ADAMTSL1: variants seen among roughly 807,000 people sequenced by gnomAD.
The protein encoded by ADAMTSL1 is ADAMTS-like protein 1.
ADAMTSL1 carries 126 observed loss-of-function variants against 201.8 expected under a neutral mutation model. The ratio of observed to expected loss-of-function variants is 0.62; its 90% CI spans 0.54 to 0.72. ADAMTSL1 has a LOEUF of 0.72. Among genes scored for constraint, ADAMTSL1 ranks in the 30% least tolerant of loss-of-function variants. The pLI is 0.00. For synonymous variants in ADAMTSL1, 1,121 were observed against 903.4 expected (o/e 1.24, Z -4.32); for missense variants, 2,679 against 2,277.8 (o/e 1.18, Z -3.59).
chr9:17,917,311 G>C (rs910356675), intron 1 of ADAMTSL1, among the ~76,000 whole-genome samples: 1 of 152,100 alleles, frequency 6.6e-6, no homozygotes, highest in African/African-American at 2.4e-5. Context: ...GGTATGAACA[G>C]ATATCCTTGT....
chr9:18,070,457 A>G (rs1376727080), intron 1 of ADAMTSL1, among the ~76,000 whole-genome samples: 1 of 152,232 alleles, frequency 6.6e-6, no homozygotes, highest in Non-Finnish European at 1.5e-5. Flanking sequence ...GGAATGTGAA[A>G]TTGAAGAAAT....
chr9:18,052,011 T>C (rs2131669598), intron 1 of ADAMTSL1, among the ~76,000 whole-genome samples: 1 of 152,358 alleles, frequency 6.6e-6, no homozygotes, highest in Admixed American at 6.5e-5. Flanking sequence ...TGACACTTTG[T>C]TACAAACATC....
intron 1 of ADAMTSL1, among the ~76,000 whole-genome samples, chr9:18,021,653 G>C (rs972334922): frequency 1.3e-5 from 2 of 152,104 alleles, no homozygotes; most frequent in Non-Finnish European, 2.9e-5. Flanking sequence ...AAGTTACTTA[G>C]TTATATAACT....
In ADAMTSL1 at chr9:18,314,782, CTTT is replaced by C. The variant is rs776046209; in HGVS notation, c.207+150831_207+150833del. ...TGCCACTGCTGCCTTCGGCAGCGTG[CTTT>C]TTTTTTTTTTTTTTTTTTTTTTTTT... On this transcript the variant is annotated intron_variant, in intron 2 of 29. Coordinates refer to the ADAMTSL1 transcript ENST00000680146. 2.8e-3 allele frequency among the ~76,000 whole-genome samples: 140 copies of C among 49,800 alleles called. 3 individuals carry two copies. Among genetic ancestry groups the C allele is most frequent in the African/African-American group, 9.1e-3 (110 of 12,054 alleles). 32.7% of individuals were successfully genotyped at this position (49,800 alleles called of 152,430 possible).
intron 3 of ADAMTSL1, among the ~76,000 whole-genome samples, chr9:18,566,739 A>G (rs572345830): frequency 1.7e-4 from 26 of 152,246 alleles, no homozygotes; most frequent in African/African-American, 5.8e-4. Flanking sequence ...AGCAAGGACA[A>G]TAGGATGTGA....
At chr9:17,947,860 C>T (rs1827572549) in intron 1 of ADAMTSL1, among the ~76,000 whole-genome samples, 1 of 152,162 alleles carries the variant, frequency 6.6e-6, no homozygotes, top group Non-Finnish European at 1.5e-5. Context: ...AACGAAAAGT[C>T]ATGCGTCAAA....
At chr9:18,495,087 G>A (rs991240686) in intron 1 of ADAMTSL1, among the ~76,000 whole-genome samples, 2 of 151,990 alleles carry the variant, frequency 1.3e-5, no homozygotes, top group South Asian at 2.1e-4. Context: ...GAAGAGAGAG[G>A]GATTTCAGAA....
intron 2 of ADAMTSL1, among the ~76,000 whole-genome samples, chr9:18,254,349 T>TTTG (rs1831587364): frequency 8.7e-5 from 3 of 34,672 alleles, no homozygotes; most frequent in Non-Finnish European, 1.6e-4. Flanking sequence ...TTTTTGGTTT[T>TTTG]TTTTTTTTTT....
intron 2 of ADAMTSL1, among the ~76,000 whole-genome samples, chr9:18,193,016 G>A (rs528789736): frequency 2.0e-5 from 3 of 152,212 alleles, no homozygotes; most frequent in African/African-American, 7.2e-5. Context: ...CAAAAAAAAT[G>A]TGCTGAAGAC....
intron 1 of ADAMTSL1, among the ~76,000 whole-genome samples, chr9:17,997,003 T>C (rs1819408090): frequency 1.3e-5 from 2 of 152,168 alleles, no homozygotes; most frequent in Admixed American, 6.6e-5. Context: ...GATAAGAACC[T>C]ACGTAAGCTT....
chr9:18,816,824 T>C (rs774000508), intron 20 of ADAMTSL1, among the ~76,000 whole-genome samples: 17 of 149,636 alleles, frequency 1.1e-4, no homozygotes, highest in Admixed American at 6.1e-4. Context: ...ATTCATGGAG[T>C]ACATAGTGAT....
intron 1 of ADAMTSL1, among the ~76,000 whole-genome samples, chr9:17,920,108 T>A (rs1054206494): frequency 6.6e-6 from 1 of 152,198 alleles, no homozygotes; most frequent in Admixed American, 6.5e-5. Flanking sequence ...ACTTATGTTT[T>A]ATTAGAGTTA....
chr9:18,570,601 C>A (rs912703254), intron 3 of ADAMTSL1, among the ~76,000 whole-genome samples: 1 of 152,096 alleles, frequency 6.6e-6, no homozygotes, highest in African/African-American at 2.4e-5. Flanking sequence ...TTTGTAAAAG[C>A]TATTTGATGT....
intron 4 of ADAMTSL1, among the ~76,000 whole-genome samples, chr9:18,587,354 AG>A (rs1823574566): frequency 1.3e-5 from 2 of 152,212 alleles, no homozygotes; most frequent in Non-Finnish European, 2.9e-5. Context: ...ATATAAAAAA[AG>A]CTCAATATCA....
chr9:18,672,588 G>C (rs1829889683), intron 9 of ADAMTSL1, among the ~76,000 whole-genome samples: 1 of 152,008 alleles, frequency 6.6e-6, no homozygotes. Flanking sequence ...GCATAGATAT[G>C]TACACCATCT....
Position 17,909,081 on chromosome 9 carries a change from G to A in ADAMTSL1, c.87+2159G>A, listed in dbSNP as rs536631776. Among the ~76,000 whole-genome samples the A allele has an allele frequency of 4.7e-5, 7 of 148,940 alleles. No individual in the cohort carries two copies. In the South Asian group the frequency reaches 6.8e-4, roughly 14 times the overall value. Reference sequence around the variant, plus strand: ...TTTCTCTGATGGCCAGTGATGGTGAGCATTTTTTCATGTGTTTTTTGGCTG... The same window carrying A: ...TTTCTCTGATGGCCAGTGATGGTGAACATTTTTTCATGTGTTTTTTGGCTG... On this transcript the variant is annotated intron_variant, in intron 1 of 29. Coordinates refer to the ADAMTSL1 transcript ENST00000680146.
intron 13 of ADAMTSL1, among the ~76,000 whole-genome samples, chr9:18,706,434 G>A (rs1832237021): frequency 6.6e-6 from 1 of 152,150 alleles, no homozygotes; most frequent in Admixed American, 6.5e-5. Flanking sequence ...TTAGAGTGAG[G>A]AGAAGAAACC....
intron 1 of ADAMTSL1, among the ~76,000 whole-genome samples, chr9:17,983,809 T>G (rs907249857): frequency 2.0e-5 from 3 of 151,994 alleles, no homozygotes; most frequent in Non-Finnish European, 4.4e-5. Flanking sequence ...GCTTTTGAAG[T>G]TAAAAAAAAA....
At chr9:18,795,999 G>C (rs4628781) in intron 20 of ADAMTSL1, among the ~76,000 whole-genome samples, 39,289 of 152,026 alleles carry the variant, frequency 0.26, 5,285 homozygotes, top group African/African-American at 0.32. Flanking sequence ...ACTTCTCTCT[G>C]AGTCTGCTTT....
Sources: gnomAD v4.1 joint callset for allele counts (sites outside exome capture counted in the v4.1 genomes callset) on GRCh38, gnomAD v4.1.1 for gene constraint, MANE v1.5 for transcripts, NCBI Gene and HGNC (gene_info 2026-07-23, HGNC 2026-07-21) for gene names.